The following SNX4 variants were observed in gnomAD, a reference collection of about 807,000 sequenced individuals.
The protein encoded by SNX4 is sorting nexin-4.
Under a neutral mutation model 70.8 loss-of-function variants are expected in SNX4, and 49 were observed. The observed-to-expected ratio is 0.69, with a 90% confidence interval of 0.55 to 0.88. SNX4 has a LOEUF of 0.88. SNX4 is among the 40% of genes least tolerant of loss of function. The pLI, the probability that SNX4 is intolerant of heterozygous loss-of-function variation, is 0.00. For missense variants in SNX4, 528 were observed against 544.8 expected (o/e 0.97, Z 0.31); for synonymous variants, 206 against 183.8 (o/e 1.12, Z -0.98).
chr3:125,500,781 C>A (rs919130483), intron 2 of SNX4, among the ~76,000 whole-genome samples: 1 of 102,160 alleles, frequency 9.8e-6, no homozygotes, highest in African/African-American at 4.1e-5. Context: ...GCCTGGGCGA[C>A]AGAGCAAGAC....
At chr3:125,472,499 T>G (rs1934199002) in intron 8 of SNX4, among the ~76,000 whole-genome samples, 1 of 152,242 alleles carries the variant, frequency 6.6e-6, no homozygotes, top group Non-Finnish European at 1.5e-5. Context: ...GAATAAATTT[T>G]ACTTAAACAT....
At chr3:125,495,220 T>G (rs1934756966) in intron 5 of SNX4, among the ~76,000 whole-genome samples, 2 of 123,418 alleles carry the variant, frequency 1.6e-5, no homozygotes, top group South Asian at 5.6e-4. Context: ...GACCTCCAGA[T>G]AAGTGAAATG....
intron 2 of SNX4, among the ~76,000 whole-genome samples, chr3:125,499,381 G>C (rs1934876233): frequency 6.6e-6 from 1 of 152,110 alleles, no homozygotes; most frequent in African/African-American, 2.4e-5. Context: ...AAATAGTCTA[G>C]AGAAAGTATT....
intron 9 of SNX4, among the ~76,000 whole-genome samples, chr3:125,469,012 G>A (rs1357021784): frequency 2.0e-5 from 3 of 152,024 alleles, no homozygotes; most frequent in African/African-American, 7.3e-5. Flanking sequence ...ATATTGAGTA[G>A]GACCTCCAGT....
chr3:125,468,215 AGAG>A (rs1934080647), intron 9 of SNX4, among the ~76,000 whole-genome samples: 1 of 152,200 alleles, frequency 6.6e-6, no homozygotes, highest in South Asian at 2.1e-4. Context: ...ATTACAAAGA[AGAG>A]AACAACAGAA....
chr3:125,452,115 T>C (rs1356690900), intron 12 of SNX4, among the ~76,000 whole-genome samples: 1 of 151,898 alleles, frequency 6.6e-6, no homozygotes, highest in Non-Finnish European at 1.5e-5. Flanking sequence ...TTAGCATTTT[T>C]TTTTTTTTGA....
At chr3:125,479,270 C>T (rs1270901290) in intron 7 of SNX4, among the ~76,000 whole-genome samples, 1 of 152,034 alleles carries the variant, frequency 6.6e-6, no homozygotes, top group Non-Finnish European at 1.5e-5. Flanking sequence ...CAAGAGGATT[C>T]TGGCCAGGCA....
At chr3:125,489,088 GT>G (rs1371838613) in intron 6 of SNX4, among the ~76,000 whole-genome samples, 5 of 152,200 alleles carry the variant, frequency 3.3e-5, no homozygotes, top group African/African-American at 1.2e-4. Flanking sequence ...ATCTTGAGCT[GT>G]GCATATTTAA....
At chr3:125,504,495 AAG>A (rs2107565492) in intron 2 of SNX4, 126 bp downstream of exon 2, 2 of 914,846 alleles carry the variant, frequency 2.2e-6, no homozygotes, top group Non-Finnish European at 3.3e-6. Context: ...AAAAAAAGTA[AAG>A]AAACAAAGTC....
At chr3:125,511,501 C>A (rs1022284282) in intron 1 of SNX4, among the ~76,000 whole-genome samples, 1 of 152,084 alleles carries the variant, frequency 6.6e-6, no homozygotes, top group Admixed American at 6.6e-5. Context: ...CTTTCTTTTC[C>A]CACTAGAATA....
chr3:125,452,546 C>A (rs187926657), intron 12 of SNX4, among the ~76,000 whole-genome samples: 1 of 152,242 alleles, frequency 6.6e-6, no homozygotes, highest in African/African-American at 2.4e-5. Context: ...GGCACCACTG[C>A]ACTCCGGCCT....
At chr3:125,458,909 C>T (rs1933804969) in intron 10 of SNX4, among the ~76,000 whole-genome samples, 1 of 150,530 alleles carries the variant, frequency 6.6e-6, no homozygotes, top group Non-Finnish European at 1.5e-5. Flanking sequence ...CATGGTGGCT[C>T]ATGCCAGTAA....
At chr3:125,487,345 ATTAAAC>A (rs889353288) in intron 6 of SNX4, among the ~76,000 whole-genome samples, 7 of 152,202 alleles carry the variant, frequency 4.6e-5, no homozygotes, top group African/African-American at 1.7e-4. Context: ...TATTGGTCAT[ATTAAAC>A]TTAAAATTCT....
At chr3:125,482,331 T>G (rs1043031606) in intron 6 of SNX4, among the ~76,000 whole-genome samples, 14 of 152,194 alleles carry the variant, frequency 9.2e-5, no homozygotes, top group African/African-American at 3.1e-4. Flanking sequence ...CTTTCCCTTG[T>G]GCTCCCTTGC....
intron 8 of SNX4, among the ~76,000 whole-genome samples, chr3:125,471,344 CAAAAAAAA>C (rs767432586): frequency 2.5e-4 from 7 of 28,162 alleles, no homozygotes; most frequent in Middle Eastern, 0.024. Context: ...AGCTCCATCT[CAAAAAAAA>C]AAAAAAAAAA....
At chr3:125,485,696 C>T (rs920219498) in intron 6 of SNX4, among the ~76,000 whole-genome samples, 5 of 152,174 alleles carry the variant, frequency 3.3e-5, no homozygotes, top group African/African-American at 1.2e-4. Flanking sequence ...TGCTTCTTTA[C>T]AACTTGTGCA....
intron 9 of SNX4, 94 bp from the exon 10 acceptor site, chr3:125,460,954 A>G: frequency 1.9e-6 from 1 of 538,102 alleles, no homozygotes; most frequent in Non-Finnish European, 3.2e-6. Flanking sequence ...GGCTGGGCGC[A>G]GTGGCTCACA....
At chr3:125,512,164 A>G (rs1175072397) in intron 1 of SNX4, among the ~76,000 whole-genome samples, 1 of 152,208 alleles carries the variant, frequency 6.6e-6, no homozygotes, top group Non-Finnish European at 1.5e-5. Context: ...CAAGCCACCC[A>G]ACATCAGGGT....
intron 2 of SNX4, among the ~76,000 whole-genome samples, chr3:125,503,266 A>C (rs988631380): frequency 3.3e-5 from 5 of 152,192 alleles, no homozygotes; most frequent in African/African-American, 1.2e-4. Context: ...TATTTGTTTT[A>C]ATTGAAAGCA....
Sources: allele counts gnomAD v4.1 joint callset (sites outside exome capture counted in the v4.1 genomes callset), GRCh38; gene constraint gnomAD v4.1.1; transcripts MANE v1.5; gene names NCBI Gene and HGNC (gene_info 2026-07-23, HGNC 2026-07-21).